The following ARHGAP32 variants were observed in gnomAD, a reference collection of about 807,000 sequenced individuals.
The protein encoded by ARHGAP32 is rho GTPase-activating protein 32.
ARHGAP32 carries 51 observed loss-of-function variants against 186.5 expected under a neutral mutation model. That is an observed-to-expected ratio of 0.27 (90% CI 0.22 to 0.35). The LOEUF (loss-of-function observed/expected upper bound fraction) is 0.35, where lower values mean the gene tolerates loss of function less well. ARHGAP32 is among the 10% of genes least tolerant of loss of function. The pLI is 1.00. For synonymous variants in ARHGAP32, 950 were observed against 964.3 expected (o/e 0.99, Z 0.27); for missense variants, 2,186 against 2,623.5 (o/e 0.83, Z 3.64).
chr11:129,213,097 ATATAG>A (rs1036163833), intron 1 of ARHGAP32, among the ~76,000 whole-genome samples: 4 of 152,210 alleles, frequency 2.6e-5, no homozygotes, highest in Admixed American at 1.3e-4. Flanking sequence ...TTCAAATAAA[ATATAG>A]TATAAGACAT....
At position 129,134,563 on chromosome 11, in the gene ARHGAP32, A is replaced by C. The variant is rs1942894466; in HGVS notation, c.226-9669T>G. Among the ~76,000 whole-genome samples the C allele has an allele frequency of 2.0e-5, 3 of 152,324 alleles. No homozygotes were observed. The South Asian group carries it at 6.2e-4, about 32-fold the overall frequency. ...AACATGCAGAATATAAAATTTTAAA[A>C]CCAATTTTAAAATTCCAACTATAAT... On this transcript the variant is annotated intron_variant, in intron 2 of 22. Transcript: ENST00000682385.
intron 1 of ARHGAP32, among the ~76,000 whole-genome samples, chr11:129,253,964 C>T (rs772981683): frequency 6.6e-6 from 1 of 152,028 alleles, no homozygotes; most frequent in African/African-American, 2.4e-5. Flanking sequence ...GTTATTCTAA[C>T]TGAAATAGGA....
At chr11:129,264,437 G>A (rs1421282156) in intron 1 of ARHGAP32, among the ~76,000 whole-genome samples, 1 of 152,162 alleles carries the variant, frequency 6.6e-6, no homozygotes, top group Non-Finnish European at 1.5e-5. Context: ...ACTACCTCAT[G>A]GGGGCACTTG....
At chr11:128,975,586 T>C (rs1380679152) in intron 20 of ARHGAP32, among the ~76,000 whole-genome samples, 2 of 152,126 alleles carry the variant, frequency 1.3e-5, no homozygotes, top group Non-Finnish European at 2.9e-5. Flanking sequence ...TCTTTAAGAA[T>C]AGGTTTTAAG....
rs1233955816 is a variant in ARHGAP32, at chr11:128,974,362, A to G, written c.2835T>C (p.Ala945=). ...EVIGTVSNTT[A]QNASSSTWDK... is the part of the protein sequence containing the mutation. ...CCCAGGTTGAAGATGATGCATTCTG[A>G]GCTGTGGTATTTGAGACTGTACCAA... The change falls in exon 21 of 23, where the codon GCT becomes GCC. Residue 945 remains alanine, a synonymous_variant. Transcript: ENST00000682385. 2 of 1,613,916 alleles carry G rather than the reference A, an allele frequency of 1.2e-6. No individual in the cohort carries two copies. Among genetic ancestry groups the G allele is most frequent in the Non-Finnish European group, 1.7e-6 (2 of 1,180,032 alleles).
intron 10 of ARHGAP32, among the ~76,000 whole-genome samples, chr11:129,058,164 T>G (rs1940329263): frequency 6.7e-6 from 1 of 150,228 alleles, no homozygotes; most frequent in East Asian, 2.0e-4. Flanking sequence ...TCATCTGTTA[T>G]GCCCAATAAC....
chr11:129,047,452 T>C (rs1939860535), intron 10 of ARHGAP32, among the ~76,000 whole-genome samples: 2 of 152,148 alleles, frequency 1.3e-5, no homozygotes, highest in Non-Finnish European at 2.9e-5. Context: ...ATTCCAGGTT[T>C]TTTTTGTTTT....
chr11:129,112,074 C>T (rs919109431), intron 5 of ARHGAP32, among the ~76,000 whole-genome samples: 6 of 152,106 alleles, frequency 3.9e-5, no homozygotes, highest in Admixed American at 1.3e-4. Context: ...GAAACCCCGT[C>T]TCTACTAAAA....
chr11:129,179,186 T>C (rs1246485855), intron 1 of ARHGAP32, among the ~76,000 whole-genome samples: 2 of 151,974 alleles, frequency 1.3e-5, no homozygotes, highest in South Asian at 2.1e-4. Flanking sequence ...AAAAAACATA[T>C]GAAAAAATGC....
intron 5 of ARHGAP32, among the ~76,000 whole-genome samples, chr11:129,121,163 G>A (rs776198330): frequency 6.6e-6 from 1 of 151,834 alleles, no homozygotes; most frequent in Non-Finnish European, 1.5e-5. Context: ...GGATTGTTTA[G>A]AGGTTAATAT....
intron 6 of ARHGAP32, among the ~76,000 whole-genome samples, chr11:129,079,355 C>T (rs542424306): frequency 3.9e-5 from 6 of 152,252 alleles, no homozygotes; most frequent in African/African-American, 9.6e-5. Flanking sequence ...GCAAAAGCAT[C>T]AGGTAACCTA....
chr11:129,048,246 C>T (rs144514013), intron 10 of ARHGAP32, among the ~76,000 whole-genome samples: 4 of 152,170 alleles, frequency 2.6e-5, no homozygotes, highest in Non-Finnish European at 5.9e-5. Context: ...AAGATCAGGA[C>T]ATAAATCTGA....
chr11:129,087,926 A>C (rs2135249798), intron 6 of ARHGAP32, among the ~76,000 whole-genome samples: 1 of 152,320 alleles, frequency 6.6e-6, no homozygotes, highest in South Asian at 2.1e-4. Flanking sequence ...TAATTTTTTG[A>C]AAAATAATCA....
intron 11 of ARHGAP32, among the ~76,000 whole-genome samples, chr11:129,036,843 A>G (rs1417455489): frequency 6.6e-6 from 1 of 152,228 alleles, no homozygotes; most frequent in Non-Finnish European, 1.5e-5. Context: ...TTTATATTCA[A>G]TATTGTATTA....
At chr11:129,256,276 A>T (rs1411602175) in intron 1 of ARHGAP32, among the ~76,000 whole-genome samples, 1 of 151,742 alleles carries the variant, frequency 6.6e-6, no homozygotes, top group Non-Finnish European at 1.5e-5. Context: ...CGTACTCAAC[A>T]TGTGTATGAT....
At chr11:128,992,449 A>ACC (rs200110024) in intron 12 of ARHGAP32, among the ~76,000 whole-genome samples, 253 of 151,878 alleles carry the variant, frequency 1.7e-3, no homozygotes, top group African/African-American at 4.2e-3. Flanking sequence ...CACCACCACC[A>ACC]ACAACAACAC....
chr11:129,142,106 C>T (rs1050618921), intron 2 of ARHGAP32, among the ~76,000 whole-genome samples: 2 of 150,948 alleles, frequency 1.3e-5, no homozygotes, highest in African/African-American at 4.8e-5. Flanking sequence ...TTGTTAATCA[C>T]TGAACCAAAT....
intron 1 of ARHGAP32, among the ~76,000 whole-genome samples, chr11:129,273,279 G>C (rs1033151074): frequency 2.0e-5 from 3 of 152,156 alleles, no homozygotes; most frequent in African/African-American, 7.2e-5. Flanking sequence ...CATGGCAGGA[G>C]ACACACAGAT....
intron 17 of ARHGAP32, 86 bp from the exon 18 acceptor site, chr11:128,980,834 C>T: frequency 9.7e-7 from 1 of 1,035,238 alleles, no homozygotes; most frequent in Non-Finnish European, 1.4e-6. Context: ...ATCTATCTAC[C>T]TATCTGTTGT....
Sources: allele counts gnomAD v4.1 joint callset (sites outside exome capture counted in the v4.1 genomes callset), GRCh38; gene constraint gnomAD v4.1.1; transcripts MANE v1.5; gene names NCBI Gene and HGNC (gene_info 2026-07-23, HGNC 2026-07-21).